The following PPP1R21 variants were observed in gnomAD, a reference collection of about 807,000 sequenced individuals.
PPP1R21 encodes the protein protein phosphatase 1 regulatory subunit 21, also known as KLRAQ motif containing 1.
PPP1R21 carries 85 observed loss-of-function variants against 112.8 expected under a neutral mutation model. The observed-to-expected ratio is 0.75, with a 90% CI of 0.63 to 0.90. The LOEUF is 0.90. Ranked by LOEUF, PPP1R21 falls within the 40% of genes least tolerant of loss-of-function variation. The pLI, the probability that PPP1R21 is intolerant of heterozygous loss-of-function variation, is 0.00. For synonymous variants in PPP1R21, 381 were observed against 322.3 expected, an observed-to-expected ratio of 1.18 and a Z score of -1.95; for missense variants, 1,199 against 901.5, an observed-to-expected ratio of 1.33 and a Z score of -4.23.
rs542638460 is a variant in PPP1R21 at position 48,466,092 on chromosome 2, A to G, written c.897+450A>G. Among the ~76,000 whole-genome samples the G allele has an allele frequency of 6.6e-5, 10 of 152,350 alleles. No homozygotes were observed. The South Asian group carries it at 1.9e-3, about 28-fold the overall frequency. On this transcript the variant is annotated intron_variant, in intron 9 of 21. Transcript: ENST00000294952. Reference sequence around the variant, plus strand: ...CACTATTGTGAGAACAGCACGGGAAAGACCCACCCCCATCATTCAGTCATC... The same window carrying G: ...CACTATTGTGAGAACAGCACGGGAAGGACCCACCCCCATCATTCAGTCATC...
intron 17 of PPP1R21, 89 bp from the exon 18 acceptor site, chr2:48,505,475 C>A: frequency 1.0e-6 from 1 of 959,456 alleles, no homozygotes. Context: ...GCTCTGTGAA[C>A]GGAGAGGAGA....
intron 1 of PPP1R21, among the ~76,000 whole-genome samples, chr2:48,449,247 G>A (rs1256848992): frequency 1.3e-5 from 2 of 152,008 alleles, no homozygotes; most frequent in Non-Finnish European, 2.9e-5. Flanking sequence ...TCCATTTGTG[G>A]AGCATTTTAT....
chr2:48,452,319 C>T (rs912469386), intron 2 of PPP1R21, among the ~76,000 whole-genome samples: 1 of 152,046 alleles, frequency 6.6e-6, no homozygotes, highest in African/African-American at 2.4e-5. Flanking sequence ...CACTGCATAC[C>T]AGGCATTGTG....
chr2:48,440,839 G>C lies in PPP1R21; in HGVS notation c.-115G>C. ...CGGCGGCGGCGGCGGCGGCGGCTGC[G>C]GTGGCCAAGCAGGCAGATACTGCCT... On this transcript the variant is annotated 5_prime_UTR_variant, in exon 1 of 22. Coordinates refer to ENST00000294952, the MANE Select transcript of PPP1R21 (RefSeq NM_001135629.3). The C allele has an allele frequency of 2.8e-6, 2 of 727,052 alleles. No individual in the cohort carries two copies. Among genetic ancestry groups the C allele is most frequent in the East Asian group, 3.2e-5 (1 of 30,992 alleles). 45.0% of individuals were successfully genotyped at this position (727,052 alleles called of 1,614,324 possible). A position where few individuals can be genotyped will look rare whatever the true frequency, so the allele number is the denominator to read the frequency against.
At position 48,474,660 on chromosome 2, in the gene PPP1R21, C is replaced by A. The variant is rs774916859; in HGVS notation, c.1089-23C>A. ...TGAAAATCGTTTGGGATGCTCACTT[C>A]TTAAAAATCTGCCTATTCCTAGTTT... is the stretch of plus-strand genomic sequence containing the variant. On this transcript the variant is annotated intron_variant, in intron 11 of 21. Coordinates refer to ENST00000294952, the MANE Select transcript of PPP1R21 (RefSeq NM_001135629.3). 5.0e-6 allele frequency: 8 copies of A among 1,591,264 alleles called. No individual in the cohort carries two copies. The African/African-American group carries it at 1.1e-4, about 22-fold the overall frequency.
Position 48,458,197 on chromosome 2 carries a change from G to A in PPP1R21, c.345G>A (p.Lys115=). The A allele has an allele frequency of 6.2e-7, 1 of 1,611,944 alleles. No homozygotes were observed. The highest frequency in any genetic ancestry group is 8.5e-7 in the Non-Finnish European group (1 of 1,178,516). ...KSVFDEDLQK[K]IEENERLHIQ... is the part of the protein sequence containing the mutation. Reference sequence around the variant, plus strand: ...TCTTTGATGAAGATCTGCAAAAGAAGATAGAAGAGAATGAACGGTTGCATA... The same window carrying A: ...TCTTTGATGAAGATCTGCAAAAGAAAATAGAAGAGAATGAACGGTTGCATA... Residue 115 remains lysine (K), a synonymous_variant, in exon 4 of 22, where the codon AAG becomes AAA. Transcript: ENST00000294952.
At chr2:48,482,518 G>T (rs1363950405) in intron 13 of PPP1R21, among the ~76,000 whole-genome samples, 1 of 152,136 alleles carries the variant, frequency 6.6e-6, no homozygotes, top group Non-Finnish European at 1.5e-5. Flanking sequence ...TTGTTTTGAA[G>T]GAAACTTATT....
intron 12 of PPP1R21, among the ~76,000 whole-genome samples, chr2:48,477,307 A>G (rs1031548563): frequency 2.0e-5 from 3 of 151,696 alleles, no homozygotes; most frequent in Non-Finnish European, 4.4e-5. Flanking sequence ...TTTAGTAGAG[A>G]TGGGGGTCTC....
intron 17 of PPP1R21, among the ~76,000 whole-genome samples, chr2:48,503,528 T>G (rs1317714060): frequency 6.6e-6 from 1 of 152,202 alleles, no homozygotes; most frequent in Non-Finnish European, 1.5e-5. Context: ...AATTACTACT[T>G]CAGAAGGCAT....
At position 48,510,107 on chromosome 2, in the gene PPP1R21, A is replaced by G; in HGVS notation, c.2178A>G (p.Arg726=). 2 of 1,612,564 alleles carry G rather than the reference A, an allele frequency of 1.2e-6. No homozygotes were observed. The highest frequency in any genetic ancestry group is 2.2e-5 in the South Asian group (2 of 90,946). ...AACTTGCCAGTCAGAACATCAGCAG[A>G]CTTCAGGTGAGTTAAGTGTTACCTG... is the stretch of plus-strand genomic sequence containing the variant. ...EMKLASQNIS[R]LQDELTTTKR... Residue 726 remains arginine, a synonymous_variant, in exon 20 of 22, where the codon AGA becomes AGG. Coordinates refer to ENST00000294952, the MANE Select transcript of PPP1R21 (RefSeq NM_001135629.3).
At chr2:48,469,037 C>T (rs1317643612) in intron 9 of PPP1R21, among the ~76,000 whole-genome samples, 2 of 151,628 alleles carry the variant, frequency 1.3e-5, no homozygotes, top group South Asian at 2.1e-4. Context: ...TACATGGCAG[C>T]GGCAAGAGAA....
At chr2:48,510,932 G>A (rs1268028481) in intron 20 of PPP1R21, among the ~76,000 whole-genome samples, 1 of 152,188 alleles carries the variant, frequency 6.6e-6, no homozygotes, top group Non-Finnish European at 1.5e-5. Context: ...AAAACTTGTT[G>A]CCATTTCTTT....
chr2:48,444,043 A>T (rs1667147281), intron 1 of PPP1R21, among the ~76,000 whole-genome samples: 1 of 151,836 alleles, frequency 6.6e-6, no homozygotes, highest in African/African-American at 2.4e-5. Context: ...AAAGGAAGAA[A>T]AAAAAAACCA....
intron 21 of PPP1R21, among the ~76,000 whole-genome samples, chr2:48,514,225 A>C (rs1363917609): frequency 2.6e-5 from 4 of 151,814 alleles, no homozygotes; most frequent in African/African-American, 7.3e-5. Context: ...AGCTGGGACT[A>C]CAGGCACCCG....
intron 1 of PPP1R21, 161 bp downstream of exon 1, chr2:48,441,171 G>C (rs535640787): frequency 1.6e-6 from 1 of 642,820 alleles, no homozygotes; most frequent in South Asian, 1.7e-5. Context: ...GCCTCCACCT[G>C]CAGCTCCCAG....
In PPP1R21 at chr2:48,485,751, A is replaced by C. The variant is rs148240760; in HGVS notation, c.1319-880A>C. On this transcript the variant is annotated intron_variant, in intron 13 of 21. Transcript: ENST00000294952. The stretch of plus-strand genomic sequence containing the variant: ...CTTATTTCCTCCATTAATTATCTAT[A>C]GTCTAAAACAATCAACAAAATTTCT... Among the ~76,000 whole-genome samples the C allele has an allele frequency of 7.9e-5, 12 of 151,354 alleles. No individual in the cohort carries two copies. The East Asian group carries it at 2.3e-3, about 29-fold the overall frequency.
At chr2:48,488,520 C>A (rs1367045877) in intron 14 of PPP1R21, among the ~76,000 whole-genome samples, 1 of 152,086 alleles carries the variant, frequency 6.6e-6, no homozygotes, top group Non-Finnish European at 1.5e-5. Flanking sequence ...GTGCCTGCCA[C>A]CATGCCTGGC....
In PPP1R21 at chr2:48,501,324, C is replaced by G. The variant is rs765707618; in HGVS notation, c.1935+2589C>G. The stretch of plus-strand genomic sequence containing the variant: ...TTCTCCCCAGCTCCATTGCCTGTAT[C>G]CATTCCTTCCTTCTTCTTAGAGTTG... On this transcript the variant is annotated intron_variant, in intron 17 of 21. Transcript: ENST00000294952. Among the ~76,000 whole-genome samples, 3 of 152,214 alleles carry G rather than the reference C, an allele frequency of 2.0e-5. No homozygotes were observed. The South Asian group carries it at 6.2e-4, about 31-fold the overall frequency.
At chr2:48,465,247 T>G (rs1395297982) in intron 8 of PPP1R21, among the ~76,000 whole-genome samples, 1 of 152,204 alleles carries the variant, frequency 6.6e-6, no homozygotes, top group African/African-American at 2.4e-5. Context: ...TGAGCCATAC[T>G]TTTTTGTGGA....
Sources: gnomAD v4.1 joint callset for allele counts (sites outside exome capture counted in the v4.1 genomes callset) on GRCh38, gnomAD v4.1.1 for gene constraint, MANE v1.5 for transcripts, NCBI Gene and HGNC (gene_info 2026-07-23, HGNC 2026-07-21) for gene names.